The following AIFM1 variants were observed in gnomAD, a reference collection of about 807,000 sequenced individuals.
AIFM1 encodes apoptosis inducing factor mitochondria associated 1.
In AIFM1, 3 loss-of-function variants were observed where a neutral mutation model predicts 51.7. The observed-to-expected ratio is 0.06, with a 90% CI of 0.03 to 0.15. The LOEUF (loss-of-function observed/expected upper bound fraction) is 0.15. Among genes scored for constraint, AIFM1 ranks in the 10% least tolerant of loss-of-function variants. AIFM1 has a pLI of 1.00. For synonymous variants in AIFM1, 178 were observed against 179.4 expected, an observed-to-expected ratio of 0.99 and a Z score of 0.06; for missense variants, 330 against 476.8, an observed-to-expected ratio of 0.69 and a Z score of 2.87.
intron 12 of AIFM1, among the ~76,000 whole-genome samples, chrX:130,134,691 G>A (rs1030931901): frequency 2.7e-5 from 3 of 110,495 alleles, no homozygotes; most frequent in South Asian, 3.9e-4. Context: ...ACCTCCAGCC[G>A]GGGGTGAACT....
At chrX:130,164,241 C>T (rs1255507255) in intron 1 of AIFM1, among the ~76,000 whole-genome samples, 1 of 110,494 alleles carries the variant, frequency 9.1e-6, no homozygotes, top group Non-Finnish European at 1.9e-5. Flanking sequence ...CATTTCAATA[C>T]ACAAAACCCT....
Position 130,149,531 on chromosome X carries a change from T to C in AIFM1, c.287A>G (p.Asn96Ser), listed in dbSNP as rs764149793. ...KTMKEDEKRY[N>S]ERISGLGLTP... ...CAGCCCTAACCCTGAAATTCTTTCA[T>C]TGTATCTTTTTTCATCCTCTTTCAT... is the stretch of plus-strand genomic sequence containing the variant. The change falls in exon 3 of 16, where the codon AAT (asparagine) becomes AGT (serine). Residue 96 changes from asparagine (N) to serine (S), a missense_variant. This residue lies in a region of AIFM1 where 110 missense variants were observed against 103.1 expected (regional missense o/e 1.07). Coordinates refer to ENST00000287295, the MANE Select transcript of AIFM1 (RefSeq NM_004208.4). 4.9e-5 allele frequency: 59 copies of C among 1,209,346 alleles called. 1 individual carries two copies. The Middle Eastern group carries it at 1.6e-3, about 33-fold the overall frequency.
intron 11 of AIFM1, 95 bp from the exon 12 acceptor site, chrX:130,136,280 C>A (rs1230267266): frequency 3.8e-6 from 4 of 1,049,342 alleles, no homozygotes; most frequent in Non-Finnish European, 5.3e-6. Flanking sequence ...AGAATTGGGA[C>A]TTTAAAAAAT....
At chrX:130,140,755 G>T in intron 6 of AIFM1, 138 bp from the exon 7 acceptor site, 1 of 522,989 alleles carries the variant, frequency 1.9e-6, no homozygotes, top group Non-Finnish European at 3.3e-6. Context: ...ACAAGGTTGT[G>T]CCACCATCAC....
chrX:130,163,023 G>A (rs1255448659), intron 1 of AIFM1, among the ~76,000 whole-genome samples: 7 of 111,703 alleles, frequency 6.3e-5, no homozygotes, highest in Non-Finnish European at 9.4e-5. Flanking sequence ...AATGGTGACA[G>A]ATGTCAACGA....
At chrX:130,140,497 G>GT in intron 7 of AIFM1, 36 bp downstream of exon 7, 1 of 1,113,415 alleles carries the variant, frequency 9.0e-7, no homozygotes, top group East Asian at 3.0e-5. Context: ...TGAATGAGCT[G>GT]TATCAGGGAA....
chrX:130,163,999 C>CAAAAAAAA, intron 1 of AIFM1, among the ~76,000 whole-genome samples: 1 of 74,572 alleles, frequency 1.3e-5, no homozygotes, highest in Non-Finnish European at 2.6e-5. Context: ...ACTAAAAATA[C>CAAAAAAAA]AAAAAAAAAA....
intron 1 of AIFM1, among the ~76,000 whole-genome samples, chrX:130,159,056 C>T (rs1462927048): frequency 9.0e-6 from 1 of 111,536 alleles, no homozygotes; most frequent in Non-Finnish European, 1.9e-5. Context: ...GGGCATATAC[C>T]ACATAGTGAC....
At chrX:130,131,867 A>G (rs2030098270) in intron 13 of AIFM1, 68 bp from the exon 14 acceptor site, 2 of 1,156,067 alleles carry the variant, frequency 1.7e-6, no homozygotes, top group Admixed American at 2.2e-5. Context: ...CATATTCTCC[A>G]TGACACTGCA....
intron 2 of AIFM1, among the ~76,000 whole-genome samples, chrX:130,154,288 G>C (rs1303455870): frequency 8.9e-6 from 1 of 112,056 alleles, no homozygotes; most frequent in Non-Finnish European, 1.9e-5. Flanking sequence ...TTGGCATCAA[G>C]AAAATTTGCA....
At chrX:130,137,328 A>G in intron 9 of AIFM1, 143 bp from the exon 10 acceptor site, 2 of 1,171,648 alleles carry the variant, frequency 1.7e-6, no homozygotes, top group Non-Finnish European at 2.3e-6. Flanking sequence ...CTTACAGGAC[A>G]GTGGGCATGA....
At chrX:130,150,326 CTTTTTTTTT>C (rs755785211) in intron 2 of AIFM1, among the ~76,000 whole-genome samples, 6 of 61,647 alleles carry the variant, frequency 9.7e-5, no homozygotes, top group African/African-American at 2.6e-4. Context: ...TTATTGGAGA[CTTTTTTTTT>C]TTTTTTTTTT....
intron 12 of AIFM1, among the ~76,000 whole-genome samples, chrX:130,134,392 C>A (rs760154850): frequency 1.8e-5 from 2 of 111,305 alleles, no homozygotes; most frequent in African/African-American, 3.3e-5. Flanking sequence ...TATGTAGAAA[C>A]CAGTTTTTGG....
At chrX:130,152,095 A>G (rs1279110932) in intron 2 of AIFM1, among the ~76,000 whole-genome samples, 1 of 108,337 alleles carries the variant, frequency 9.2e-6, no homozygotes, top group Non-Finnish European at 1.9e-5. Context: ...AAAAAAGGGA[A>G]GAGAAGAGAA....
At chrX:130,149,980 C>T (rs181696174) in intron 2 of AIFM1, among the ~76,000 whole-genome samples, 2 of 111,905 alleles carry the variant, frequency 1.8e-5, no homozygotes, top group Non-Finnish European at 3.8e-5. Flanking sequence ...TATAGGGTCC[C>T]GGGTAGGAAG....
chrX:130,156,493 C>A lies in AIFM1; in HGVS notation c.217G>T (p.Val73Leu). The A allele has an allele frequency of 8.3e-7, 1 of 1,211,750 alleles. No individual in the cohort carries two copies. Residue 73 changes from valine (V) to leucine (L), a missense_variant, in exon 2 of 16, where the codon GTG becomes TTG. Around this residue, in one of 4 missense-constraint regions of AIFM1, gnomAD observed 110 missense variants for 103.1 expected, o/e 1.07. Transcript: ENST00000287295. ...KIDNSVLVLI[V>L]GLSTVGAGAY... ...CCAGCTCCTACTGTTGATAAGCCCA[C>A]AATAAGGACTAACACAGAATTATCG...
intron 2 of AIFM1, 56 bp downstream of exon 2, chrX:130,156,405 G>A: frequency 8.4e-7 from 1 of 1,196,608 alleles, no homozygotes; most frequent in South Asian, 1.8e-5. Context: ...ATACTATCGA[G>A]TCTATTAATG....
intron 3 of AIFM1, among the ~76,000 whole-genome samples, chrX:130,148,256 C>T (rs210004): frequency 0.49 from 54,134 of 110,154 alleles, 10,325 homozygotes; most frequent in African/African-American, 0.69. Flanking sequence ...TTTCACCTTC[C>T]GTTAGCAACA....
chrX:130,145,669 G>A lies in AIFM1; in HGVS notation c.606-100C>T, dbSNP rs143742429. On this transcript the variant is annotated intron_variant, in intron 5 of 15. Transcript: ENST00000287295. The stretch of plus-strand genomic sequence containing the variant: ...CTGTTTCCATTATCAGAAACTTTAA[G>A]GGACGTTTTCCAAAGTAAGTCTCCA... The A allele has an allele frequency of 3.0e-3, 2,029 of 671,820 alleles. 24 individuals carry two copies. In the African/African-American group the frequency reaches 0.039, roughly 13 times the overall value. 55.4% of individuals were successfully genotyped at this position (671,820 alleles called of 1,213,427 possible). A position where few individuals can be genotyped will look rare whatever the true frequency, so the allele number is the denominator to read the frequency against.
Sources: allele counts gnomAD v4.1 joint callset (sites outside exome capture counted in the v4.1 genomes callset), GRCh38; gene constraint gnomAD v4.1.1; regional missense constraint gnomAD v4.1.1; transcripts MANE v1.5; gene names NCBI Gene and HGNC (gene_info 2026-07-23, HGNC 2026-07-21).